MMP8: variants seen among roughly 807,000 people sequenced by gnomAD.
The protein encoded by MMP8 is neutrophil collagenase.
In MMP8, 67 loss-of-function variants were observed where a neutral mutation model predicts 51.2. The observed-to-expected ratio is 1.31, with a 90% CI of 1.08 to 1.60. MMP8 has a LOEUF of 1.60. Among genes scored for constraint, MMP8 ranks in the 40% most tolerant of loss-of-function variants. The probability of loss-of-function intolerance (pLI) is 0.00; values close to 1 mark genes in which losing one functional copy is unlikely to be tolerated. For synonymous variants in MMP8, 225 were observed against 191.0 expected (o/e 1.18, Z -1.47); for missense variants, 654 against 558.1 (o/e 1.17, Z -1.73).
rs763686717 is a variant in MMP8, at chr11:102,721,745, G to A, written c.365C>T (p.Pro122Leu). The A allele has an allele frequency of 6.2e-6, 10 of 1,613,578 alleles. No homozygotes were observed. The East Asian group carries it at 2.0e-4, about 32-fold the overall frequency. The change falls in exon 3 of 10, where the codon CCA (proline) becomes CTA (leucine). Residue 122 changes from proline to leucine, a missense_variant. Physicochemically the swap from Pro to Leu is moderately conservative, Grantham distance 98 (BLOSUM62 -3). Transcript: ENST00000236826. ...NLTYRIRNYT[P>L]QLSEAEVERA... ...TTCTACCTCAGCCTCTGACAGCTGT[G>A]GGGTATAGTTTCGAATCCTTCAAAA... is the stretch of plus-strand genomic sequence containing the variant.
At chr11:102,721,548 T>C (rs1263376469) in intron 3 of MMP8, 22 bp from the exon 4 acceptor site, 1 of 1,613,646 alleles carries the variant, frequency 6.2e-7, no homozygotes. Context: ...ACATTTGTAT[T>C]AGATCCTTGC....
Position 102,714,687 on chromosome 11 carries a change from A to G in MMP8, c.1059T>C (p.Ser353=), listed in dbSNP as rs770757332. 1.3e-6 allele frequency: 2 copies of G among 1,532,000 alleles called. No individual in the cohort carries two copies. The highest frequency in any genetic ancestry group is 1.4e-5 in the African/African-American group (1 of 70,184). 94.9% of individuals were successfully genotyped at this position (1,532,000 alleles called of 1,614,324 possible). Residue 353 remains serine, a synonymous_variant, in exon 8 of 10, where the codon AGT becomes AGC. Transcript: ENST00000236826. ...LFKGNQYWAL[S]GYDILQGYPK... is the part of the protein sequence containing the mutation. ...GATAACCTTGCAGAATATCATAGCC[A>G]CTCAGAGCCCAGTATTGGTTGCCTG...
chr11:102,720,865 T>C (rs573732501), intron 4 of MMP8, among the ~76,000 whole-genome samples: 1 of 152,276 alleles, frequency 6.6e-6, no homozygotes, highest in South Asian at 2.1e-4. Context: ...TAATTTCTAA[T>C]TATAGAAATT....
chr11:102,719,373 AT>A (rs1394498081), intron 4 of MMP8, among the ~76,000 whole-genome samples: 1 of 149,246 alleles, frequency 6.7e-6, no homozygotes, highest in Non-Finnish European at 1.5e-5. Context: ...ACACTGATGC[AT>A]TTTTGTATAT....
chr11:102,715,453 GA>G lies in MMP8; in HGVS notation c.903-17del. 1.2e-6 allele frequency: 2 copies of G among 1,607,322 alleles called. No individual in the cohort carries two copies. Among genetic ancestry groups the G allele is most frequent in the Non-Finnish European group, 1.7e-6 (2 of 1,177,132 alleles). On this transcript the variant is annotated splice_polypyrimidine_tract_variant and intron_variant, in intron 6 of 9. Transcript: ENST00000236826. ...CCAGAAGTACCTAACGGAACATAAG[GA>G]AACACACACACACACTTATACATAA...
chr11:102,722,384 C>G (rs772513031), intron 2 of MMP8, 45 bp downstream of exon 2: 1 of 1,598,232 alleles, frequency 6.3e-7, no homozygotes, highest in Non-Finnish European at 8.5e-7. Context: ...AGAGCCCAGT[C>G]CATACTGGAT....
intron 1 of MMP8, chr11:102,723,510 G>GT (rs1440475775): frequency 8.8e-6 from 4 of 455,976 alleles, no homozygotes; most frequent in Non-Finnish European, 1.8e-5. Context: ...CCAAGATCAG[G>GT]TGGCTGCATC....
chr11:102,721,335 TGTG>T, intron 4 of MMP8, 63 bp downstream of exon 4: 1 of 1,583,622 alleles, frequency 6.3e-7, no homozygotes, highest in Non-Finnish European at 8.6e-7. Context: ...TGTGTGTGTG[TGTG>T]TATTCTAATC....
intron 5 of MMP8, among the ~76,000 whole-genome samples, chr11:102,718,128 A>G (rs764544663): frequency 1.1e-4 from 17 of 151,820 alleles, no homozygotes; most frequent in Non-Finnish European, 2.4e-4. Flanking sequence ...AAAATTTAAA[A>G]TTGGAAATTT....
chr11:102,723,927 A>T (rs1405356826), intron 1 of MMP8: 1 of 331,626 alleles, frequency 3.0e-6, no homozygotes, highest in Non-Finnish European at 6.4e-6. Flanking sequence ...TATTTATCTG[A>T]TTTAAGATAT....
chr11:102,714,448 T>C (rs954198593), intron 8 of MMP8, 108 bp downstream of exon 8: 6 of 655,094 alleles, frequency 9.2e-6, no homozygotes, highest in Non-Finnish European at 1.3e-5. Context: ...CGGTAAAACC[T>C]ATTAGAGACT....
Position 102,713,673 on chromosome 11 carries a change from C to T in MMP8, c.1294+81G>A, listed in dbSNP as rs1360358641. On this transcript the variant is annotated intron_variant, in intron 9 of 9. Transcript: ENST00000236826. ...TTGAGGCCAGGAGTTTGACACTAAC[C>T]TGGTCAGCATAGTAAGACCCTGTCT... 30 of 1,255,234 alleles carry T rather than the reference C, an allele frequency of 2.4e-5. No homozygotes were observed. The South Asian group carries it at 3.2e-4, about 14-fold the overall frequency. The allele number at this position is 1,255,234 out of a possible 1,614,324, so 77.8% of individuals were successfully genotyped here.
At position 102,721,661 on chromosome 11, in the gene MMP8, C is replaced by G; in HGVS notation, c.449G>C (p.Arg150Thr). Residue 150 changes from arginine to threonine, a missense_variant, in exon 3 of 10, where the codon AGG (arginine) becomes ACG (threonine). Physicochemically the swap from Arg to Thr is moderately conservative, Grantham distance 71. Transcript: ENST00000236826. ...WSVASPLIFT[R>T]ISQGEADINI... ...GATATCTGCCTCTCCCTGTGAGATCCTGGTGAAGATGAGAGGTGATGCAAC... is the reference window on the plus strand; with the variant it reads ...GATATCTGCCTCTCCCTGTGAGATCGTGGTGAAGATGAGAGGTGATGCAAC... 1.2e-6 allele frequency: 2 copies of G among 1,613,900 alleles called. No individual in the cohort carries two copies. The highest frequency in any genetic ancestry group is 1.7e-6 in the Non-Finnish European group (2 of 1,179,872).
chr11:102,717,673 TAC>T (rs1491045581), intron 5 of MMP8, among the ~76,000 whole-genome samples: 161 of 152,290 alleles, frequency 1.1e-3, no homozygotes, highest in African/African-American at 3.7e-3. Context: ...CAACTTCCAT[TAC>T]CACAAACAAG....
chr11:102,724,687 GA>G lies in MMP8; in HGVS notation c.102+66del, dbSNP rs1861568119. ...TTTCAGGCTGTTTTAATTAACAAGA[GA>G]AAACAACCCACACTATTTCCTAATA... On this transcript the variant is annotated intron_variant, in intron 1 of 9. Transcript: ENST00000236826. The G allele has an allele frequency of 2.9e-6, 4 of 1,367,396 alleles. No individual in the cohort carries two copies. The African/African-American group carries it at 5.9e-5, about 20-fold the overall frequency. The allele number at this position is 1,367,396 out of a possible 1,614,324, so 84.7% of individuals were successfully genotyped here.
At chr11:102,718,172 C>T (rs1019679444) in intron 5 of MMP8, among the ~76,000 whole-genome samples, 1 of 151,958 alleles carries the variant, frequency 6.6e-6, no homozygotes, top group Non-Finnish European at 1.5e-5. Flanking sequence ...AAATCCCCAC[C>T]ATCCAAAGAC....
chr11:102,714,738 TACG>T (rs1427121551), intron 7 of MMP8, 29 bp from the exon 8 acceptor site: 7 of 1,350,548 alleles, frequency 5.2e-6, no homozygotes, highest in Non-Finnish European at 6.7e-6. Context: ...AAGTGTTAAA[TACG>T]ACTTTTCCAT....
Position 102,721,730 on chromosome 11 carries a change from G to T in MMP8, c.380C>A (p.Ala127Asp). 4 of 1,613,776 alleles carry T rather than the reference G, an allele frequency of 2.5e-6. No homozygotes were observed. Among genetic ancestry groups the T allele is most frequent in the Non-Finnish European group, 3.4e-6 (4 of 1,179,794 alleles). Residue 127 changes from alanine to aspartate, a missense_variant, in exon 3 of 10, where the codon GCT becomes GAT. Transcript: ENST00000236826. ...IRNYTPQLSEAEVERAIKDAF... is the reference protein window; with the variant it reads ...IRNYTPQLSEDEVERAIKDAF... ...ATCCTTGATAGCTCTTTCTACCTCA[G>T]CCTCTGACAGCTGTGGGGTATAGTT...
chr11:102,721,318 T>TTGTGTG (rs5794191), intron 4 of MMP8, 83 bp downstream of exon 4: 13,762 of 1,348,904 alleles, frequency 0.01, 157 homozygotes, highest in African/African-American at 0.067. Flanking sequence ...GTTACCTTTA[T>TTGTGTG]TGTGTGTGTG....
Sources: allele counts gnomAD v4.1 joint callset (sites outside exome capture counted in the v4.1 genomes callset), GRCh38; gene constraint gnomAD v4.1.1; transcripts MANE v1.5; gene names NCBI Gene and HGNC (gene_info 2026-07-23, HGNC 2026-07-21).